The following WDR20 variants were observed in gnomAD, a reference collection of about 807,000 sequenced individuals.
WDR20 encodes the protein WD repeat-containing protein 20.
Under a neutral mutation model 38.7 loss-of-function variants are expected in WDR20, and 3 were observed. The observed-to-expected ratio is 0.08, with a 90% CI of 0.04 to 0.20. The LOEUF (loss-of-function observed/expected upper bound fraction) is 0.20, where lower values mean the gene tolerates loss of function less well. Ranked by LOEUF, WDR20 falls within the 10% of genes least tolerant of loss-of-function variation. The pLI, the probability that WDR20 is intolerant of heterozygous loss-of-function variation, is 1.00. For missense variants in WDR20, 559 were observed against 727.7 expected (o/e 0.77, Z 2.67); for synonymous variants, 298 against 285.6 (o/e 1.04, Z -0.44).
Position 102,207,848 on chromosome 14 carries a change from G to T in WDR20, c.433-755G>T, listed in dbSNP as rs991630205. Among the ~76,000 whole-genome samples, 3 of 152,154 alleles carry T rather than the reference G, an allele frequency of 2.0e-5. No homozygotes were observed. Among genetic ancestry groups the T allele is most frequent in the Non-Finnish European group, 4.4e-5 (3 of 68,028 alleles). ...CATACGCCTGTTAAAGAAACATCTC[G>T]GTCAGGGGTCCAAAGTTAGCATATG... On this transcript the variant is annotated intron_variant, in intron 2 of 2. Transcript: ENST00000342702. This position sits in a 1 kb window ranked among gnomAD's most constrained non-coding sequence, Gnocchi z 5.0.
chr14:102,166,018 G>T (rs1011782171), intron 1 of WDR20, among the ~76,000 whole-genome samples: 2 of 151,862 alleles, frequency 1.3e-5, no homozygotes, highest in African/African-American at 2.4e-5. Context: ...TAAAGACAGG[G>T]TCTCACTTGG....
chr14:102,149,168 A>G (rs2054829953), intron 1 of WDR20, among the ~76,000 whole-genome samples: 1 of 152,050 alleles, frequency 6.6e-6, no homozygotes, highest in African/African-American at 2.4e-5. Flanking sequence ...TCAAAACAAA[A>G]CAAACAAACA....
chr14:102,212,668 C>T, downstream of WDR20: 1 of 1,519,190 alleles, frequency 6.6e-7, no homozygotes, highest in Non-Finnish European at 8.8e-7. Context: ...AGTAATGGCT[C>T]CCGCAGACCT....
intron 1 of WDR20, among the ~76,000 whole-genome samples, chr14:102,184,346 T>G (rs114212286): frequency 0.017 from 2,603 of 152,300 alleles, 51 homozygotes; most frequent in South Asian, 0.097. Context: ...TAGCTGTTTT[T>G]TAAGTTCATC....
At chr14:102,216,739 A>G (rs937813260), downstream of WDR20, among the ~76,000 whole-genome samples, 9 of 152,166 alleles carry the variant, frequency 5.9e-5, no homozygotes, top group Non-Finnish European at 1.3e-4. Flanking sequence ...AGACCAGCCC[A>G]GCCATCATGG....
upstream of WDR20, chr14:102,139,839 TGG>T: frequency 7.9e-6 from 12 of 1,521,062 alleles, no homozygotes; most frequent in African/African-American, 1.4e-5. Flanking sequence ...AGGCAGGGGG[TGG>T]GGGAAGAGGG....
intron 1 of WDR20, among the ~76,000 whole-genome samples, chr14:102,170,910 T>C (rs996092414): frequency 1.7e-4 from 26 of 152,250 alleles, no homozygotes; most frequent in Admixed American, 8.5e-4. Flanking sequence ...TTGCTTTTTT[T>C]CCCTTTATTT....
At chr14:102,155,868 G>A (rs559454906) in intron 1 of WDR20, among the ~76,000 whole-genome samples, 18 of 149,706 alleles carry the variant, frequency 1.2e-4, no homozygotes, top group African/African-American at 2.9e-4. Flanking sequence ...CTCCATCCCC[G>A]GGCTCAAATG....
chr14:102,199,522 C>G (rs1043472440), intron 2 of WDR20, among the ~76,000 whole-genome samples: 15 of 152,110 alleles, frequency 9.9e-5, no homozygotes, highest in South Asian at 2.1e-4. Context: ...ATGTGTGAGG[C>G]TGAGGGTTGG....
At chr14:102,142,260 A>C (rs1595740129) in intron 1 of WDR20, among the ~76,000 whole-genome samples, 1 of 152,080 alleles carries the variant, frequency 6.6e-6, no homozygotes, top group East Asian at 1.9e-4. Flanking sequence ...ACTCTCTTTT[A>C]ATTGTAACTT....
intron 1 of WDR20, among the ~76,000 whole-genome samples, chr14:102,149,196 T>TA (rs1476262647): frequency 2.0e-5 from 3 of 151,978 alleles, no homozygotes; most frequent in Non-Finnish European, 2.9e-5. Flanking sequence ...CATACATAAA[T>TA]ACATTTTTTT....
chr14:102,157,580 G>A (rs188020138), intron 1 of WDR20, among the ~76,000 whole-genome samples: 6 of 152,224 alleles, frequency 3.9e-5, no homozygotes, highest in Admixed American at 2.0e-4. Flanking sequence ...TGTTCCATTT[G>A]GTTCAGATAG....
chr14:102,211,090 A>G (rs1419803723), downstream of WDR20, among the ~76,000 whole-genome samples: 1 of 151,734 alleles, frequency 6.6e-6, no homozygotes, highest in Admixed American at 6.6e-5. This position sits in a 1 kb window ranked among gnomAD's most constrained non-coding sequence, Gnocchi z 4.2. Flanking sequence ...TTTCACCCTC[A>G]CTCTCTACTG....
chr14:102,153,087 C>T (rs532836921), intron 1 of WDR20, among the ~76,000 whole-genome samples: 9 of 152,104 alleles, frequency 5.9e-5, no homozygotes, highest in Admixed American at 3.3e-4. Flanking sequence ...GCTGCCCTCA[C>T]GCTAGTGAGT....
chr14:102,217,212 G>A (rs2063322112), downstream of WDR20, among the ~76,000 whole-genome samples: 1 of 152,162 alleles, frequency 6.6e-6, no homozygotes, highest in African/African-American at 2.4e-5. Flanking sequence ...AGGGCCAAGT[G>A]GGTCCCAGGA....
At position 102,170,397 on chromosome 14, in the gene WDR20, CAT is replaced by C. The variant is rs534753475; in HGVS notation, c.250-24539_250-24538del. Among the ~76,000 whole-genome samples, 13 of 152,248 alleles carry C rather than the reference CAT, an allele frequency of 8.5e-5. 1 individual carries two copies. The highest frequency in any genetic ancestry group is 2.9e-4 in the African/African-American group (12 of 41,550). ...ATATGTGCATTTGTAATTTTAGAGA[CAT>C]AGTCAAATCGCCTTCTAAAAATTGT... On this transcript the variant is annotated intron_variant, in intron 1 of 2. Transcript: ENST00000342702.
chr14:102,224,679 C>G (rs1424827224), downstream of WDR20: 3 of 456,056 alleles, frequency 6.6e-6, no homozygotes, highest in Non-Finnish European at 8.8e-6. Context: ...GCTCAGCCCT[C>G]GGTTTAGTTT....
chr14:102,181,654 C>G (rs2063405426), intron 1 of WDR20, among the ~76,000 whole-genome samples: 1 of 152,024 alleles, frequency 6.6e-6, no homozygotes, highest in Non-Finnish European at 1.5e-5. Context: ...TAGTCTACTT[C>G]TTTGGGAATA....
downstream of WDR20, among the ~76,000 whole-genome samples, chr14:102,215,842 C>A (rs2063155236): frequency 6.6e-6 from 1 of 152,198 alleles, no homozygotes; most frequent in Non-Finnish European, 1.5e-5. Flanking sequence ...CATTGTCTTA[C>A]TATGAAATAC....
Sources: gnomAD v4.1 joint callset for allele counts (sites outside exome capture counted in the v4.1 genomes callset) on GRCh38, gnomAD v4.1.1 for gene constraint, Gnocchi (gnomAD v3.1) non-coding constraint, MANE v1.5 for transcripts, NCBI Gene and HGNC (gene_info 2026-07-23, HGNC 2026-07-21) for gene names.